MRPL37: variants seen among roughly 807,000 people sequenced by gnomAD.
MRPL37 encodes mitochondrial ribosomal protein L37, also known as large ribosomal subunit protein mL37.
In MRPL37, 34 loss-of-function variants were observed where a neutral mutation model predicts 44.1. That is an observed-to-expected ratio of 0.77 (90% CI 0.59 to 1.03). The LOEUF is 1.03. Among genes scored for constraint, MRPL37 ranks in the 50% least tolerant of loss-of-function variants. The probability of loss-of-function intolerance (pLI) is 0.00; values close to 1 mark genes in which losing one functional copy is unlikely to be tolerated. For missense variants in MRPL37, 532 were observed against 543.7 expected, an observed-to-expected ratio of 0.98 and a Z score of 0.21; for synonymous variants, 212 against 219.5, an observed-to-expected ratio of 0.97 and a Z score of 0.30.
At position 54,205,298 on chromosome 1, in the gene MRPL37, G is replaced by C. The variant is rs751838750; in HGVS notation, c.534G>C (p.Pro178=). Reference sequence around the variant, plus strand: ...AATGTCTCTTTTTGTCTTCAAGCCCGGTCATCGTGGACAACCTAATACAGC... The same window carrying C: ...AATGTCTCTTTTTGTCTTCAAGCCCCGTCATCGTGGACAACCTAATACAGC... The part of the protein sequence containing the change: ...EEIPKRETYC[P]VIVDNLIQLC... The change falls in exon 3 of 7, where the codon CCG becomes CCC. Residue 178 remains proline, a synonymous_variant. Transcript: ENST00000360840. 6.2e-7 allele frequency: 1 copy of C among 1,612,318 alleles called. No individual in the cohort carries two copies. The highest frequency in any genetic ancestry group is 1.7e-5 in the Admixed American group (1 of 59,906).
At chr1:54,208,257 C>T (rs1237351888) in intron 3 of MRPL37, among the ~76,000 whole-genome samples, 1 of 152,028 alleles carries the variant, frequency 6.6e-6, no homozygotes, top group Non-Finnish European at 1.5e-5. Flanking sequence ...ATCTCCTCTG[C>T]CTTGGCTGGG....
chr1:54,209,729 G>A (rs1644150482), intron 3 of MRPL37, among the ~76,000 whole-genome samples: 1 of 152,144 alleles, frequency 6.6e-6, no homozygotes, highest in Admixed American at 6.5e-5. Context: ...AAAGTGCTGG[G>A]ATTACAGGCG....
At chr1:54,218,619 G>A (rs1644213850), downstream of MRPL37, among the ~76,000 whole-genome samples, 5 of 152,170 alleles carry the variant, frequency 3.3e-5, no homozygotes, top group Admixed American at 2.0e-4. Flanking sequence ...TGGCAGATAC[G>A]CTGATGGTCA....
intron 3 of MRPL37, among the ~76,000 whole-genome samples, chr1:54,205,852 G>A (rs1438711711): frequency 6.6e-6 from 1 of 151,970 alleles, no homozygotes; most frequent in African/African-American, 2.4e-5. Context: ...TTATGTCCCT[G>A]CCCTGTTTCA....
downstream of MRPL37, among the ~76,000 whole-genome samples, chr1:54,220,440 A>G (rs1557736043): frequency 6.6e-6 from 1 of 152,178 alleles, no homozygotes; most frequent in African/African-American, 2.4e-5. Flanking sequence ...ACCCAACTAC[A>G]CTTTTGTGTC....
At chr1:54,214,075 C>T (rs376520179) in intron 5 of MRPL37, among the ~76,000 whole-genome samples, 18 of 152,114 alleles carry the variant, frequency 1.2e-4, no homozygotes, top group East Asian at 7.7e-4. Flanking sequence ...CCCAGCTACT[C>T]GGGAGGCTGA....
At chr1:54,201,928 G>T (rs900131280) in intron 1 of MRPL37, among the ~76,000 whole-genome samples, 1 of 151,852 alleles carries the variant, frequency 6.6e-6, no homozygotes, top group Non-Finnish European at 1.5e-5. Context: ...AACAGTGGCG[G>T]TGTCAGAGCT....
chr1:54,217,233 C>A (rs1354506515), intron 6 of MRPL37, among the ~76,000 whole-genome samples: 2 of 152,202 alleles, frequency 1.3e-5, no homozygotes, highest in Non-Finnish European at 2.9e-5. Flanking sequence ...CGTTCTTGAA[C>A]TGGTTCTCCA....
chr1:54,200,576 C>T lies in MRPL37; in HGVS notation c.333C>T (p.Cys111=), dbSNP rs770631246. The T allele has an allele frequency of 3.8e-6, 6 of 1,596,084 alleles. No homozygotes were observed. In the South Asian group the frequency reaches 5.6e-5, roughly 15 times the overall value. Residue 111 remains cysteine (C), a synonymous_variant, in exon 1 of 7, where the codon TGC becomes TGT. Transcript: ENST00000360840. The part of the protein sequence containing the change: ...DQACYIFHHR[C]RLLEGVKQAL... ...CCTGCTATATCTTTCACCACCGTTGCCGCCTTCTCGAGGGTGAGGCCCCAG... is the reference window on the plus strand; with the variant it reads ...CCTGCTATATCTTTCACCACCGTTGTCGCCTTCTCGAGGGTGAGGCCCCAG...
At position 54,205,493 on chromosome 1, in the gene MRPL37, CT is replaced by C. The variant is rs1644115305; in HGVS notation, c.646+84del. On this transcript the variant is annotated intron_variant, in intron 3 of 6. Transcript: ENST00000360840. ...AACCCCACCACCAGCTCCCATCCCC[CT>C]GCCCCCAAATACCGATCCTTACTCC... is the stretch of plus-strand genomic sequence containing the variant. The C allele has an allele frequency of 5.2e-6, 6 of 1,157,050 alleles. No individual in the cohort carries two copies. In the Admixed American group the frequency reaches 7.9e-5, roughly 15 times the overall value. 71.7% of individuals were successfully genotyped at this position (1,157,050 alleles called of 1,614,324 possible).
At position 54,205,455 on chromosome 1, in the gene MRPL37, C is replaced by G. The variant is rs757205322; in HGVS notation, c.646+45C>G. On this transcript the variant is annotated intron_variant, in intron 3 of 6. Coordinates refer to ENST00000360840, the MANE Select transcript of MRPL37 (RefSeq NM_016491.4). Reference sequence around the variant, plus strand: ...AGAAAGCCTTGGTCTGTTTTTTTTGCCTTTCTACTCTTAACCCCACCACCA... The same window carrying G: ...AGAAAGCCTTGGTCTGTTTTTTTTGGCTTTCTACTCTTAACCCCACCACCA... The G allele has an allele frequency of 2.7e-6, 4 of 1,503,404 alleles. No homozygotes were observed. In the Admixed American group the frequency reaches 6.8e-5, roughly 26 times the overall value. The allele number at this position is 1,503,404 out of a possible 1,614,324, so 93.1% of individuals were successfully genotyped here.
chr1:54,205,535 C>T lies in MRPL37; in HGVS notation c.646+125C>T, dbSNP rs17110097. 2,084 of 763,270 alleles carry T rather than the reference C, an allele frequency of 2.7e-3. 45 individuals are homozygous for T. The African/African-American group carries it at 0.033, about 12-fold the overall frequency. The allele number at this position is 763,270 out of a possible 1,614,324, so 47.3% of individuals were successfully genotyped here. ...TCCTTACTCCCATCATTCGTGGTCT[C>T]GTTTTGTAGGCTCAGACACACCCTC... On this transcript the variant is annotated intron_variant, in intron 3 of 6. Coordinates refer to ENST00000360840, the MANE Select transcript of MRPL37 (RefSeq NM_016491.4).
At chr1:54,212,782 A>G in intron 5 of MRPL37, 124 bp downstream of exon 5, 2 of 1,373,898 alleles carry the variant, frequency 1.5e-6, no homozygotes, top group Non-Finnish European at 2.0e-6. Context: ...AGTTTTAGGG[A>G]GGAGTACTTC....
downstream of MRPL37, among the ~76,000 whole-genome samples, chr1:54,219,896 G>T (rs368936030): frequency 4.4e-4 from 67 of 152,248 alleles, no homozygotes; most frequent in Non-Finnish European, 8.2e-4. Flanking sequence ...GGATCTCTTC[G>T]TTCTTTTGAG....
At chr1:54,211,640 G>T (rs1644166048) in intron 4 of MRPL37, among the ~76,000 whole-genome samples, 2 of 152,088 alleles carry the variant, frequency 1.3e-5, no homozygotes, top group Admixed American at 1.3e-4. Flanking sequence ...CCACAGGCAT[G>T]TGCTACCACA....
At chr1:54,207,478 TC>T (rs923650235) in intron 3 of MRPL37, 6 of 152,212 alleles carry the variant, frequency 3.9e-5, no homozygotes, top group Non-Finnish European at 8.8e-5. Context: ...TGTATAGACT[TC>T]CTGGCAATGA....
At chr1:54,202,513 T>C (rs951567832) in intron 1 of MRPL37, among the ~76,000 whole-genome samples, 4 of 151,788 alleles carry the variant, frequency 2.6e-5, no homozygotes, top group African/African-American at 4.9e-5. Flanking sequence ...CTCTCTCTCT[T>C]TTTTTTTCTT....
At chr1:54,202,209 G>A (rs1023593393) in intron 1 of MRPL37, among the ~76,000 whole-genome samples, 5 of 151,768 alleles carry the variant, frequency 3.3e-5, no homozygotes, top group African/African-American at 7.3e-5. Context: ...ACCATGTTGC[G>A]CAGGCTGGTC....
Position 54,205,417 on chromosome 1 carries a change from C to A in MRPL37, c.646+7C>A. On this transcript the variant is annotated splice_region_variant and intron_variant, in intron 3 of 6. Coordinates refer to ENST00000360840, the MANE Select transcript of MRPL37 (RefSeq NM_016491.4). Reference sequence around the variant, plus strand: ...TCTGCTACCTGGAACCGAGGTTGGTCATCTTGTACACCAGAAAGCCTTGGT... The same window carrying A: ...TCTGCTACCTGGAACCGAGGTTGGTAATCTTGTACACCAGAAAGCCTTGGT... The A allele has an allele frequency of 1.9e-6, 3 of 1,605,732 alleles. No homozygotes were observed. The South Asian group carries it at 3.3e-5, about 18-fold the overall frequency.
Sources: allele counts gnomAD v4.1 joint callset (sites outside exome capture counted in the v4.1 genomes callset), GRCh38; gene constraint gnomAD v4.1.1; transcripts MANE v1.5; gene names NCBI Gene and HGNC (gene_info 2026-07-23, HGNC 2026-07-21).